The following ODF2 variants were observed in gnomAD, a reference collection of about 807,000 sequenced individuals.
ODF2 encodes outer dense fiber of sperm tails 2.
A neutral mutation model predicts 110.2 loss-of-function variants in ODF2; 47 were observed. The ratio of observed to expected loss-of-function variants is 0.43; its 90% CI spans 0.34 to 0.54. The LOEUF (loss-of-function observed/expected upper bound fraction) is 0.54. ODF2 is among the 20% of genes least tolerant of loss of function. ODF2 has a pLI of 0.03. For missense variants in ODF2, 812 were observed against 1,054.5 expected (o/e 0.77, Z 3.19); for synonymous variants, 352 against 397.7 (o/e 0.89, Z 1.37).
chr9:128,478,893 G>A (rs1256121954), intron 8 of ODF2, among the ~76,000 whole-genome samples: 1 of 152,150 alleles, frequency 6.6e-6, no homozygotes, highest in Non-Finnish European at 1.5e-5. Flanking sequence ...CCTTCCAGCT[G>A]TGTGGCCTCA....
intron 8 of ODF2, among the ~76,000 whole-genome samples, chr9:128,479,570 C>T (rs1842027937): frequency 6.6e-6 from 1 of 152,164 alleles, no homozygotes; most frequent in Non-Finnish European, 1.5e-5. Flanking sequence ...AGGCATTTTG[C>T]AGGGCATTTC....
intron 1 of ODF2, chr9:128,457,126 C>T: frequency 7.0e-7 from 1 of 1,434,358 alleles, no homozygotes; most frequent in Non-Finnish European, 9.2e-7. Context: ...CGCGGTTCTG[C>T]CCCGTCCCCT....
intron 3 of ODF2, 198 bp from the exon 3 acceptor site, chr9:128,460,352 C>T (rs1162636070): frequency 1.1e-5 from 16 of 1,435,820 alleles, no homozygotes; most frequent in Non-Finnish European, 1.4e-5. Flanking sequence ...TTGTGGTCTT[C>T]TGCTGGGATC....
At chr9:128,478,930 TCTC>T (rs1353964327) in intron 8 of ODF2, among the ~76,000 whole-genome samples, 1 of 152,120 alleles carries the variant, frequency 6.6e-6, no homozygotes, top group Non-Finnish European at 1.5e-5. Flanking sequence ...CCAGCCTTAG[TCTC>T]CTCCTCTGAG....
Position 128,456,860 on chromosome 9 carries a change from C to G in ODF2, c.-208-338C>G, listed in dbSNP as rs755843017. On this transcript the variant is annotated intron_variant, in intron 1 of 20. Coordinates refer to ENST00000604420, the Ensembl canonical transcript of ODF2. ...GGGGCGCCCGGGGCCCGTGCAACCT[C>G]CGCGCCTCCCTCCTTTAAACACTAT... The G allele has an allele frequency of 1.6e-5, 21 of 1,306,840 alleles. 1 individual carries two copies. In the South Asian group the frequency reaches 3.6e-4, roughly 22 times the overall value. 81.0% of individuals were successfully genotyped at this position (1,306,840 alleles called of 1,614,324 possible).
At chr9:128,456,573 G>C (rs1213615228) in intron 1 of ODF2, 1 of 1,525,706 alleles carries the variant, frequency 6.6e-7, no homozygotes. Context: ...CCTCCTGCCT[G>C]CTGGTGGGTG....
At chr9:128,495,913 G>T in intron 17 of ODF2, 128 bp from the exon 18 acceptor site, 1 of 1,077,736 alleles carries the variant, frequency 9.3e-7, no homozygotes, top group African/African-American at 1.6e-5. Flanking sequence ...TAGGTTGTGC[G>T]TTGAGACTTG....
chr9:128,471,468 T>G (rs1317240810), exon 6 of ODF2: 1 of 1,612,628 alleles, frequency 6.2e-7, no homozygotes, highest in Non-Finnish European at 8.5e-7. Flanking sequence ...GACTTCACCA[T>G]GTAAGGTGGC....
At chr9:128,496,267 C>T (rs1308669117) in intron 18 of ODF2, 126 bp downstream of exon 18, 2 of 1,530,046 alleles carry the variant, frequency 1.3e-6, no homozygotes, top group Non-Finnish European at 1.8e-6. Context: ...ACTAGGCAGA[C>T]CTCAGAGGAA....
chr9:128,469,374 G>A, intron 5 of ODF2, 21 bp downstream of exon 5: 1 of 1,612,552 alleles, frequency 6.2e-7, no homozygotes. Context: ...TAGGGGGCTG[G>A]GATAGCTACT....
exon 21 of ODF2, chr9:128,500,424 C>T: frequency 4.8e-6 from 3 of 620,434 alleles, no homozygotes; most frequent in Non-Finnish European, 8.4e-6. Flanking sequence ...GAAGGTGAAG[C>T]AGGAAGCACT....
intron 6 of ODF2, among the ~76,000 whole-genome samples, chr9:128,472,405 A>T (rs1387753242): frequency 2.0e-5 from 3 of 152,142 alleles, no homozygotes; most frequent in African/African-American, 7.2e-5. Context: ...ATGGGGTTTT[A>T]GCTGTTGGCC....
chr9:128,492,110 C>T (rs1366551787), intron 14 of ODF2, among the ~76,000 whole-genome samples: 4 of 152,166 alleles, frequency 2.6e-5, no homozygotes, highest in Non-Finnish European at 4.4e-5. Flanking sequence ...TGTGATCCGC[C>T]CACCTCGGCC....
chr9:128,478,243 C>G (rs1007522879), intron 8 of ODF2, among the ~76,000 whole-genome samples: 12 of 152,184 alleles, frequency 7.9e-5, no homozygotes, highest in African/African-American at 2.7e-4. Context: ...AGTGATCTGT[C>G]TGCCTCGGCT....
At chr9:128,468,611 C>T (rs1838911428) in intron 4 of ODF2, among the ~76,000 whole-genome samples, 1 of 152,120 alleles carries the variant, frequency 6.6e-6, no homozygotes. Flanking sequence ...CAACCTCTAC[C>T]TCCCGGGTTC....
At chr9:128,475,847 T>C (rs1016162841) in intron 8 of ODF2, among the ~76,000 whole-genome samples, 1 of 151,946 alleles carries the variant, frequency 6.6e-6, no homozygotes, top group African/African-American at 2.4e-5. Context: ...GGTTTCACCA[T>C]GTTGGCCAGG....
At chr9:128,477,841 C>T (rs1841632302) in intron 8 of ODF2, among the ~76,000 whole-genome samples, 1 of 151,808 alleles carries the variant, frequency 6.6e-6, no homozygotes, top group African/African-American at 2.4e-5. Flanking sequence ...TCAGGTAATC[C>T]ACCCGCCTCA....
chr9:128,474,279 G>A (rs979889198), intron 8 of ODF2, among the ~76,000 whole-genome samples: 1 of 152,020 alleles, frequency 6.6e-6, no homozygotes, highest in African/African-American at 2.4e-5. Context: ...TGGATCACGA[G>A]GTCAGAAGTT....
In ODF2 at chr9:128,469,358, G is replaced by A. The variant is rs1300144106; in HGVS notation, c.420+5G>A. Reference sequence around the variant, plus strand: ...GTTGGTTGTCTGAAGTCTGAGGTGAGGGAGGTAGGGGGCTGGGATAGCTAC... The same window carrying A: ...GTTGGTTGTCTGAAGTCTGAGGTGAAGGAGGTAGGGGGCTGGGATAGCTAC... On this transcript the variant is annotated splice_donor_5th_base_variant and intron_variant, in intron 5 of 20. Coordinates refer to ENST00000604420, the Ensembl canonical transcript of ODF2. The A allele has an allele frequency of 1.2e-6, 2 of 1,613,890 alleles. No homozygotes were observed. Among genetic ancestry groups the A allele is most frequent in the East Asian group, 2.2e-5 (1 of 44,878 alleles).
Sources: allele counts gnomAD v4.1 joint callset (sites outside exome capture counted in the v4.1 genomes callset), GRCh38; gene constraint gnomAD v4.1.1; transcripts MANE v1.5; gene names NCBI Gene and HGNC (gene_info 2026-07-23, HGNC 2026-07-21).